Variants in FOCAD observed in about 807,000 individuals in gnomAD.
The protein encoded by FOCAD is focadhesin, also known as KIAA1797.
FOCAD carries 198 observed loss-of-function variants against 225.6 expected under a neutral mutation model. The observed-to-expected ratio is 0.88, with a 90% confidence interval of 0.78 to 0.99. FOCAD has a LOEUF of 0.99. FOCAD is among the 50% of genes least tolerant of loss of function. The probability of loss-of-function intolerance (pLI) is 0.00; values close to 1 mark genes in which losing one functional copy is unlikely to be tolerated. For missense variants in FOCAD, 2,713 were observed against 2,123.6 expected (o/e 1.28, Z -5.46); for synonymous variants, 897 against 755.0 (o/e 1.19, Z -3.08).
chr9:20,745,289 A>G (rs1010692415), intron 5 of FOCAD, among the ~76,000 whole-genome samples: 7 of 151,820 alleles, frequency 4.6e-5, no homozygotes, highest in African/African-American at 7.3e-5. Flanking sequence ...TTGTAGAGGC[A>G]GGGTTGTCCA....
In FOCAD at chr9:20,778,678, T is replaced by A. The variant is rs775846732; in HGVS notation, c.907-3T>A. The A allele has an allele frequency of 1.9e-6, 3 of 1,590,850 alleles. No homozygotes were observed. Among genetic ancestry groups the A allele is most frequent in the Non-Finnish European group, 8.6e-7 (1 of 1,159,804 alleles). The stretch of plus-strand genomic sequence containing the variant: ...ACTCCTTTTTCCCCCTCTATTCTTT[T>A]AGGATTTTCCTGTTGAACTGGTCAT... On this transcript the variant is annotated splice_polypyrimidine_tract_variant and splice_region_variant and intron_variant, in intron 8 of 43. Coordinates refer to ENST00000338382, the MANE Select transcript of FOCAD (RefSeq NM_001375567.1).
chr9:20,674,505 G>C (rs978069404), intron 2 of FOCAD, among the ~76,000 whole-genome samples: 4 of 152,038 alleles, frequency 2.6e-5, no homozygotes, highest in African/African-American at 9.7e-5. Context: ...TGTTCCAAAG[G>C]CCTAATTCTT....
chr9:20,755,180 G>A (rs1828937753), intron 5 of FOCAD, among the ~76,000 whole-genome samples: 1 of 152,098 alleles, frequency 6.6e-6, no homozygotes, highest in South Asian at 2.1e-4. Flanking sequence ...CTGCAATATT[G>A]CCACTCAGTT....
At chr9:20,886,342 C>T (rs1435215688) in intron 21 of FOCAD, among the ~76,000 whole-genome samples, 1 of 151,988 alleles carries the variant, frequency 6.6e-6, no homozygotes, top group Non-Finnish European at 1.5e-5. Context: ...TTTTTTGTCC[C>T]TGGCATCTCA....
intron 35 of FOCAD, among the ~76,000 whole-genome samples, chr9:20,968,444 T>TC (rs1839463780): frequency 7.7e-6 from 1 of 129,058 alleles, no homozygotes; most frequent in Non-Finnish European, 1.6e-5. Flanking sequence ...TTTTTTTTTT[T>TC]TTTTTTTTTT....
intron 4 of FOCAD, among the ~76,000 whole-genome samples, chr9:20,725,622 A>G (rs1826134125): frequency 6.6e-6 from 1 of 152,038 alleles, no homozygotes; most frequent in Non-Finnish European, 1.5e-5. Context: ...CATCCTTTGT[A>G]AGTCTAGTCT....
intron 11 of FOCAD, among the ~76,000 whole-genome samples, chr9:20,807,290 T>C (rs1746194316): frequency 6.6e-6 from 1 of 152,254 alleles, no homozygotes; most frequent in Admixed American, 6.5e-5. Context: ...TATTTTATTC[T>C]CCAAGTGCAT....
chr9:20,778,139 ATCTGCTGTGTTGAGTTTTCCTCTGAAT>A (rs1210903878), intron 8 of FOCAD, among the ~76,000 whole-genome samples: 1 of 147,692 alleles, frequency 6.8e-6, no homozygotes, highest in Non-Finnish European at 1.5e-5. Flanking sequence ...AGACTTGCTG[ATCTGCTGTGTTGAGTTTTCCTCTGAAT>A]TATTTGGTTT....
intron 41 of FOCAD, 70 bp from the exon 42 acceptor site, chr9:20,990,053 T>G: frequency 6.3e-7 from 1 of 1,577,642 alleles, no homozygotes; most frequent in South Asian, 1.1e-5. Flanking sequence ...ACAGGGGCTG[T>G]GTATGTGAAC....
At chr9:20,905,589 T>A (rs1215591918) in intron 21 of FOCAD, among the ~76,000 whole-genome samples, 1 of 151,992 alleles carries the variant, frequency 6.6e-6, no homozygotes, top group Non-Finnish European at 1.5e-5. Flanking sequence ...TAAATCCAGC[T>A]GTCAAAATAG....
Position 20,976,438 on chromosome 9 carries a change from C to A in FOCAD, c.4151C>A (p.Pro1384His), listed in dbSNP as rs979461809. ...GGKKGPESVP[P>H]SLLKVVMKPI... Reference sequence around the variant, plus strand: ...GTTATAGGTCCTGAATCTGTGCCTCCTTCCCTTCTTAAAGTAGTGATGAAA... The same window carrying A: ...GTTATAGGTCCTGAATCTGTGCCTCATTCCCTTCTTAAAGTAGTGATGAAA... The change falls in exon 36 of 44, where the codon CCT (proline) becomes CAT (histidine). Residue 1384 changes from proline to histidine, a missense_variant. Transcript: ENST00000338382. 1 of 1,613,032 alleles carries A rather than the reference C, an allele frequency of 6.2e-7. No homozygotes were observed. The highest frequency in any genetic ancestry group is 8.5e-7 in the Non-Finnish European group (1 of 1,179,212).
At chr9:20,891,172 A>G (rs7853915) in intron 21 of FOCAD, among the ~76,000 whole-genome samples, 42,193 of 152,120 alleles carry the variant, frequency 0.28, 6,064 homozygotes, top group Middle Eastern at 0.34. Context: ...CATGAACTTC[A>G]TAAATGTTGT....
chr9:20,868,414 A>G (rs1829474532), intron 18 of FOCAD, among the ~76,000 whole-genome samples: 1 of 152,076 alleles, frequency 6.6e-6, no homozygotes, highest in Non-Finnish European at 1.5e-5. Flanking sequence ...TTTTTAAAAT[A>G]TTGACATGCT....
chr9:20,886,800 T>C (rs1389202684), intron 21 of FOCAD, among the ~76,000 whole-genome samples: 1 of 152,228 alleles, frequency 6.6e-6, no homozygotes, highest in East Asian at 1.9e-4. Flanking sequence ...GGGGGACCCA[T>C]GAAGTTTCTC....
chr9:20,772,000 CT>C (rs1347049214), intron 8 of FOCAD, among the ~76,000 whole-genome samples: 1 of 152,128 alleles, frequency 6.6e-6, no homozygotes, highest in African/African-American at 2.4e-5. Flanking sequence ...AATACAGTCA[CT>C]TGAGGGTTAG....
At chr9:20,696,616 C>T (rs1004834901) in intron 1 of FOCAD, among the ~76,000 whole-genome samples, 2 of 152,088 alleles carry the variant, frequency 1.3e-5, no homozygotes, top group East Asian at 3.9e-4. Flanking sequence ...CCAGCCTGGG[C>T]AACATGGCAA....
At chr9:20,960,018 C>T (rs750446217) in intron 35 of FOCAD, among the ~76,000 whole-genome samples, 1 of 152,018 alleles carries the variant, frequency 6.6e-6, no homozygotes, top group Non-Finnish European at 1.5e-5. Flanking sequence ...TCCTTTCAAC[C>T]AGGGGCACTA....
At chr9:20,984,788 T>C (rs916659129) in intron 39 of FOCAD, among the ~76,000 whole-genome samples, 9 of 152,180 alleles carry the variant, frequency 5.9e-5, no homozygotes, top group African/African-American at 2.2e-4. Context: ...ACTCAACAAC[T>C]TGTAGTTCCT....
chr9:20,798,574 G>T (rs147153324), intron 11 of FOCAD, among the ~76,000 whole-genome samples: 9 of 152,022 alleles, frequency 5.9e-5, no homozygotes, highest in Admixed American at 3.9e-4. Flanking sequence ...GTTTAGTCTT[G>T]GGAGGATGTA....
Sources: gnomAD v4.1 joint callset for allele counts (sites outside exome capture counted in the v4.1 genomes callset) on GRCh38, gnomAD v4.1.1 for gene constraint, MANE v1.5 for transcripts, NCBI Gene and HGNC (gene_info 2026-07-23, HGNC 2026-07-21) for gene names.